The following NEDD4 variants were observed in gnomAD, a reference collection of about 807,000 sequenced individuals.
The protein encoded by NEDD4 is E3 ubiquitin-protein ligase NEDD4.
In NEDD4, 99 loss-of-function variants were observed where a neutral mutation model predicts 144.9. The ratio of observed to expected loss-of-function variants is 0.68; its 90% CI spans 0.58 to 0.81. The LOEUF (loss-of-function observed/expected upper bound fraction) is 0.81. Among genes scored for constraint, NEDD4 ranks in the 30% least tolerant of loss-of-function variants. The pLI is 0.00. For synonymous variants in NEDD4, 318 were observed against 350.6 expected, an observed-to-expected ratio of 0.91 and a Z score of 1.04; for missense variants, 985 against 1,065.9, an observed-to-expected ratio of 0.92 and a Z score of 1.06.
At chr15:55,863,521 T>C (rs570872262) in intron 8 of NEDD4, among the ~76,000 whole-genome samples, 1 of 152,318 alleles carries the variant, frequency 6.6e-6, no homozygotes, top group East Asian at 1.9e-4. Flanking sequence ...ATTGTAAGTA[T>C]ATATCAAAAC....
chr15:55,909,873 C>T (rs1039421791), intron 5 of NEDD4, among the ~76,000 whole-genome samples: 32 of 152,074 alleles, frequency 2.1e-4, no homozygotes, highest in Non-Finnish European at 1.0e-4. Context: ...TATTTTGTCT[C>T]GTCTTATTTT....
chr15:55,837,579 G>C (rs2033271576), intron 24 of NEDD4, among the ~76,000 whole-genome samples: 1 of 152,152 alleles, frequency 6.6e-6, no homozygotes, highest in Non-Finnish European at 1.5e-5. Context: ...ATAGGGAAAA[G>C]GCTTGGGGGA....
At position 55,904,267 on chromosome 15, in the gene NEDD4, G is replaced by T. The variant is rs544879290; in HGVS notation, c.291+20379C>A. 3.3e-5 allele frequency among the ~76,000 whole-genome samples: 5 copies of T among 152,148 alleles called. No individual in the cohort carries two copies. In the South Asian group the frequency reaches 1.0e-3, roughly 32 times the overall value. On this transcript the variant is annotated intron_variant, in intron 5 of 28. Coordinates refer to ENST00000435532, the MANE Select transcript of NEDD4 (RefSeq NM_006154.4). The stretch of plus-strand genomic sequence containing the variant: ...TAAACTCTACTAGAAGGCTGTTAGG[G>T]TCTCTTCCTCCTTGTTCTATTTCCA...
At position 55,969,814 on chromosome 15, in the gene NEDD4, G is replaced by A. The variant is rs1278099697; in HGVS notation, c.46-3268C>T. On this transcript the variant is annotated intron_variant, in intron 1 of 28. Transcript: ENST00000435532. ...CAAGACTCAGTATTATGCTGACTTC[G>A]GGTGTGATCCAACACATTCCCAGCT... Among the ~76,000 whole-genome samples the A allele has an allele frequency of 5.3e-5, 8 of 152,062 alleles. No individual in the cohort carries two copies. The East Asian group carries it at 5.8e-4, about 11-fold the overall frequency.
intron 5 of NEDD4, among the ~76,000 whole-genome samples, chr15:55,888,994 G>A (rs2035479417): frequency 6.6e-6 from 1 of 152,128 alleles, no homozygotes. Flanking sequence ...AACTATCAAA[G>A]TAATAAAAGA....
chr15:55,939,353 T>A, intron 4 of NEDD4, among the ~76,000 whole-genome samples: 1 of 152,218 alleles, frequency 6.6e-6, no homozygotes, highest in East Asian at 1.9e-4. Context: ...TCTCCTACCA[T>A]CTTGTGGAGA....
intron 14 of NEDD4, among the ~76,000 whole-genome samples, 176 bp from the exon 15 acceptor site, chr15:55,849,062 C>T (rs2033871849): frequency 6.6e-6 from 1 of 152,160 alleles, no homozygotes; most frequent in Non-Finnish European, 1.5e-5. Context: ...AAATCTATCA[C>T]TGTCAGGCTA....
In NEDD4 at chr15:55,982,854, G is replaced by A. The variant is rs140126503; in HGVS notation, c.45+10657C>T. On this transcript the variant is annotated intron_variant, in intron 1 of 28. Transcript: ENST00000435532. Reference sequence around the variant, plus strand: ...ATAAATTCTAGGGCTGGGGGTGGTGGCTCACACCTGTAATCCCAGCACTTT... The same window carrying A: ...ATAAATTCTAGGGCTGGGGGTGGTGACTCACACCTGTAATCCCAGCACTTT... Among the ~76,000 whole-genome samples the A allele has an allele frequency of 2.2e-3, 338 of 152,280 alleles. 2 individuals carry two copies. Among genetic ancestry groups the A allele is most frequent in the Non-Finnish European group, 3.6e-3 (246 of 68,006 alleles).
chr15:55,961,492 A>T (rs2037426124), intron 2 of NEDD4, among the ~76,000 whole-genome samples: 1 of 127,302 alleles, frequency 7.9e-6, no homozygotes, highest in Admixed American at 7.9e-5. Context: ...ATTATTTGAG[A>T]CGCAGTCTCA....
chr15:55,992,100 C>A (rs2037997646), intron 1 of NEDD4: 1 of 152,160 alleles, frequency 6.6e-6, no homozygotes, highest in Non-Finnish European at 1.5e-5. Flanking sequence ...ACGTAGCAAG[C>A]AGGGAAATCT....
chr15:55,948,842 A>G (rs1318190102), intron 4 of NEDD4, among the ~76,000 whole-genome samples: 2 of 152,266 alleles, frequency 1.3e-5, no homozygotes, highest in African/African-American at 2.4e-5. Flanking sequence ...ACCTAAAACC[A>G]TAAGAACCGT....
chr15:55,866,087 A>T (rs2034576428), intron 8 of NEDD4, among the ~76,000 whole-genome samples: 2 of 151,494 alleles, frequency 1.3e-5, no homozygotes, highest in Admixed American at 1.3e-4. Context: ...CTAATTTTTA[A>T]TTTTTTTGTA....
chr15:55,884,956 T>C (rs1232117842), intron 5 of NEDD4, among the ~76,000 whole-genome samples: 2 of 152,112 alleles, frequency 1.3e-5, no homozygotes, highest in East Asian at 1.9e-4. Context: ...AAGAAGGTTA[T>C]AGAACACCAA....
At chr15:55,988,885 GAGA>G (rs2037942292) in intron 1 of NEDD4, among the ~76,000 whole-genome samples, 1 of 152,212 alleles carries the variant, frequency 6.6e-6, no homozygotes, top group Non-Finnish European at 1.5e-5. Flanking sequence ...GAATCTGTAT[GAGA>G]AGAATACTGG....
Position 55,883,711 on chromosome 15 carries a change from AC to A in NEDD4, c.292-9704del, listed in dbSNP as rs1375181307. Among the ~76,000 whole-genome samples, 1,081 of 151,640 alleles carry A rather than the reference AC, an allele frequency of 7.1e-3. 18 individuals carry two copies. The highest frequency in any genetic ancestry group is 0.025 in the African/African-American group (1,035 of 41,346). On this transcript the variant is annotated intron_variant, in intron 5 of 28. Transcript: ENST00000435532. ...CACACACACAAACACACACACACAC[AC>A]ACACACACACACACAGAAAGAGAAA...
intron 5 of NEDD4, among the ~76,000 whole-genome samples, chr15:55,879,637 G>GA (rs1374905515): frequency 6.6e-6 from 1 of 152,060 alleles, no homozygotes; most frequent in African/African-American, 2.4e-5. Flanking sequence ...CAAATTGCAA[G>GA]AAAAATACCT....
intron 2 of NEDD4, 60 bp from the exon 3 acceptor site, chr15:55,951,649 G>C: frequency 6.6e-6 from 8 of 1,215,846 alleles, no homozygotes; most frequent in Non-Finnish European, 8.8e-6. Flanking sequence ...CCCAAGCTCA[G>C]ATTACCCAGA....
chr15:55,892,826 C>T (rs1247506782), intron 5 of NEDD4, among the ~76,000 whole-genome samples: 1 of 151,992 alleles, frequency 6.6e-6, no homozygotes, highest in African/African-American at 2.4e-5. Flanking sequence ...AGATGCTTTA[C>T]CTTTTTGGTG....
At position 55,862,699 on chromosome 15, in the gene NEDD4, A is replaced by G. The variant is rs76990955; in HGVS notation, c.674+214T>C. On this transcript the variant is annotated intron_variant, in intron 9 of 28. Coordinates refer to ENST00000435532, the MANE Select transcript of NEDD4 (RefSeq NM_006154.4). ...ATTAAGACGCAATTAAAAGGGTAGTATCTAGAGTCAAGTAATTTTGAATAT... is the reference window on the plus strand; with the variant it reads ...ATTAAGACGCAATTAAAAGGGTAGTGTCTAGAGTCAAGTAATTTTGAATAT... Among the ~76,000 whole-genome samples, 27 of 152,316 alleles carry G rather than the reference A, an allele frequency of 1.8e-4. No individual in the cohort carries two copies. The East Asian group carries it at 4.8e-3, about 27-fold the overall frequency.
Sources: allele counts gnomAD v4.1 joint callset (sites outside exome capture counted in the v4.1 genomes callset), GRCh38; gene constraint gnomAD v4.1.1; transcripts MANE v1.5; gene names NCBI Gene and HGNC (gene_info 2026-07-23, HGNC 2026-07-21).